KLF12: variants seen among roughly 807,000 people sequenced by gnomAD.
KLF12 encodes Krueppel-like factor 12.
KLF12 carries 9 observed loss-of-function variants against 37.8 expected under a neutral mutation model. That is an observed-to-expected ratio of 0.24 (90% CI 0.14 to 0.42). The LOEUF is 0.42. KLF12 is among the 10% of genes least tolerant of loss of function. The pLI, the probability that KLF12 is intolerant of heterozygous loss-of-function variation, is 1.00. For synonymous variants in KLF12, 208 were observed against 202.1 expected, an observed-to-expected ratio of 1.03 and a Z score of -0.25; for missense variants, 411 against 516.0, an observed-to-expected ratio of 0.80 and a Z score of 1.97.
At chr13:73,786,321 A>C (rs991910290) in intron 5 of KLF12, among the ~76,000 whole-genome samples, 2 of 152,102 alleles carry the variant, frequency 1.3e-5, no homozygotes, top group African/African-American at 2.4e-5. Context: ...CACTTCTCTA[A>C]ACTCCTGCTT....
chr13:74,043,359 T>C (rs550068505), intron 1 of KLF12, among the ~76,000 whole-genome samples: 4 of 152,324 alleles, frequency 2.6e-5, no homozygotes, highest in Middle Eastern at 3.4e-3. Context: ...TCTAAGGCCA[T>C]TCTGTGCTAA....
intron 1 of KLF12, among the ~76,000 whole-genome samples, chr13:74,006,680 T>C (rs188971687): frequency 6.7e-4 from 102 of 152,334 alleles, no homozygotes; most frequent in African/African-American, 2.3e-3. Context: ...TGCTTTCCCC[T>C]TTCAGTCAGA....
At chr13:74,058,400 A>G in intron 1 of KLF12, among the ~76,000 whole-genome samples, 1 of 127,056 alleles carries the variant, frequency 7.9e-6, no homozygotes, top group African/African-American at 3.0e-5. Flanking sequence ...TCTGTCACCC[A>G]GGCTGGAGTG....
chr13:73,821,484 T>C (rs976394993), intron 4 of KLF12, among the ~76,000 whole-genome samples: 3 of 152,232 alleles, frequency 2.0e-5, no homozygotes, highest in African/African-American at 7.2e-5. Context: ...CTTTGATTCA[T>C]TTCATTTGTG....
In KLF12 at chr13:73,845,924, C is replaced by T. The variant is rs765362824; in HGVS notation, c.573G>A (p.Gln191=). ...CAGCTGTGTAGACAACAGGCACCGA[C>T]TGTACCACCACGGGGATGCGGTGAA... Residue 191 remains glutamine, a synonymous_variant, in exon 4 of 8, where the codon CAG becomes CAA. Coordinates refer to ENST00000377669, the MANE Select transcript of KLF12 (RefSeq NM_007249.5). The T allele has an allele frequency of 8.7e-6, 14 of 1,614,074 alleles. No homozygotes were observed. In the East Asian group the frequency reaches 2.7e-4, roughly 31 times the overall value.
the KLF12 span, among the ~76,000 whole-genome samples, chr13:74,303,671 A>G: frequency 6.6e-6 from 1 of 152,260 alleles, no homozygotes; most frequent in African/African-American, 2.4e-5. Flanking sequence ...AGAGTACTAT[A>G]ATAGATTTTC....
the KLF12 span, among the ~76,000 whole-genome samples, chr13:74,245,293 TTATCTATCTATC>T: frequency 0.012 from 1,820 of 149,074 alleles, 22 homozygotes; most frequent in African/African-American, 0.03. Context: ...GGAGATAAGT[TTATCTATCTATC>T]TATCTATCTA....
At chr13:73,933,645 A>T (rs1044225548) in intron 3 of KLF12, among the ~76,000 whole-genome samples, 9 of 152,168 alleles carry the variant, frequency 5.9e-5, no homozygotes, top group African/African-American at 2.2e-4. Flanking sequence ...CATTGTAAGT[A>T]TAAGGAAGGC....
chr13:74,025,627 G>C (rs905071314), intron 1 of KLF12, among the ~76,000 whole-genome samples: 5 of 151,974 alleles, frequency 3.3e-5, no homozygotes, highest in Admixed American at 6.6e-5. Context: ...GCACTCCACT[G>C]CATAGGACAT....
chr13:74,032,627 A>C (rs375514814), intron 1 of KLF12, among the ~76,000 whole-genome samples: 1 of 152,052 alleles, frequency 6.6e-6, no homozygotes, highest in African/African-American at 2.4e-5. Context: ...TAACCATCTT[A>C]TATACAACCC....
At chr13:74,260,579 AAAAT>A in the KLF12 span, among the ~76,000 whole-genome samples, 2 of 83,284 alleles carry the variant, frequency 2.4e-5, no homozygotes, top group East Asian at 3.4e-4. Flanking sequence ...TAAAATAAAT[AAAAT>A]AAAATAAAAT....
intron 1 of KLF12, among the ~76,000 whole-genome samples, chr13:74,037,632 T>C (rs1893290184): frequency 6.6e-6 from 1 of 152,204 alleles, no homozygotes; most frequent in South Asian, 2.1e-4. Flanking sequence ...ACTTGATACA[T>C]TTTCTGGATA....
At chr13:73,959,796 T>C (rs921285082) in intron 2 of KLF12, among the ~76,000 whole-genome samples, 8 of 152,116 alleles carry the variant, frequency 5.3e-5, no homozygotes, top group Non-Finnish European at 1.2e-4. Context: ...AAGATATTGC[T>C]TCTAGATTTT....
At chr13:74,203,327 G>A in the KLF12 span, among the ~76,000 whole-genome samples, 12 of 152,056 alleles carry the variant, frequency 7.9e-5, no homozygotes, top group Admixed American at 5.2e-4. Flanking sequence ...CCTGGAATTA[G>A]GCTAGATGCA....
chr13:73,734,041 A>T (rs1877262520), intron 6 of KLF12, among the ~76,000 whole-genome samples: 1 of 152,054 alleles, frequency 6.6e-6, no homozygotes, highest in Non-Finnish European at 1.5e-5. Flanking sequence ...TGGCCTCCTA[A>T]CTGTTCTGGA....
chr13:73,719,923 C>T (rs1876111475), intron 6 of KLF12, among the ~76,000 whole-genome samples: 2 of 152,218 alleles, frequency 1.3e-5, no homozygotes, highest in South Asian at 4.2e-4. Flanking sequence ...CAATGCTACA[C>T]AAAGTGGCTA....
chr13:74,293,482 C>T, the KLF12 span, among the ~76,000 whole-genome samples: 1 of 152,200 alleles, frequency 6.6e-6, no homozygotes, highest in South Asian at 2.1e-4. Context: ...ACATTACACA[C>T]ACCTACACAC....
In KLF12 at chr13:73,718,967, A is replaced by G. The variant is rs572465098; in HGVS notation, c.870-3442T>C. On this transcript the variant is annotated intron_variant, in intron 6 of 7. Coordinates refer to ENST00000377669, the MANE Select transcript of KLF12 (RefSeq NM_007249.5). The stretch of plus-strand genomic sequence containing the variant: ...CTAAAGGTATCTGTACAATAAAAAT[A>G]ATTTTTTAAAAGGATATACGCAATG... Among the ~76,000 whole-genome samples the G allele has an allele frequency of 1.1e-3, 162 of 152,332 alleles. 3 individuals are homozygous for G. Among genetic ancestry groups the G allele is most frequent in the African/African-American group, 3.8e-3 (158 of 41,564 alleles).
chr13:73,971,564 C>T (rs1298779034), intron 2 of KLF12, among the ~76,000 whole-genome samples: 1 of 152,092 alleles, frequency 6.6e-6, no homozygotes, highest in Non-Finnish European at 1.5e-5. Context: ...AAAGTTGATA[C>T]TATGGAGGCC....
Sources: allele counts gnomAD v4.1 joint callset (sites outside exome capture counted in the v4.1 genomes callset), GRCh38; gene constraint gnomAD v4.1.1; transcripts MANE v1.5; gene names NCBI Gene and HGNC (gene_info 2026-07-23, HGNC 2026-07-21).